MS4A6A: variants seen among roughly 807,000 people sequenced by gnomAD.
The protein encoded by MS4A6A is membrane-spanning 4-domains subfamily A member 6A.
MS4A6A carries 19 observed loss-of-function variants against 20.6 expected under a neutral mutation model. That is an observed-to-expected ratio of 0.92 (90% CI 0.64 to 1.36). The LOEUF is 1.36. MS4A6A is among the 40% of genes most tolerant of loss of function. MS4A6A has a pLI of 0.00. For synonymous variants in MS4A6A, 108 were observed against 105.0 expected (o/e 1.03, Z -0.17); for missense variants, 272 against 261.1 (o/e 1.04, Z -0.29).
chr11:60,179,053 T>C (rs1185733650), intron 3 of MS4A6A, among the ~76,000 whole-genome samples: 1 of 151,862 alleles, frequency 6.6e-6, no homozygotes, highest in Non-Finnish European at 1.5e-5. Context: ...ACCAATGAAA[T>C]CCAAATCCAA....
intron 5 of MS4A6A, among the ~76,000 whole-genome samples, chr11:60,174,057 C>T (rs549394353): frequency 4.6e-5 from 7 of 152,198 alleles, no homozygotes; most frequent in Non-Finnish European, 7.3e-5. Flanking sequence ...TTTATCACTA[C>T]CAAATTTCTC....
At chr11:60,183,272 C>G, upstream of MS4A6A, 1 of 1,181,318 alleles carries the variant, frequency 8.5e-7, no homozygotes, top group Admixed American at 2.2e-5. Context: ...ATTGCCACTT[C>G]GAGACATACA....
chr11:60,180,658 T>G (rs1857086820), intron 2 of MS4A6A: 1 of 169,416 alleles, frequency 5.9e-6, no homozygotes, highest in Non-Finnish European at 1.3e-5. Flanking sequence ...CCCTCCACCC[T>G]CTGAAAGGCC....
At position 60,172,547 on chromosome 11, in the gene MS4A6A, T is replaced by G; in HGVS notation, c.*454A>C. On this transcript the variant is annotated 3_prime_UTR_variant, in exon 6 of 6. Transcript: ENST00000528851. ...ATAGCTTTAAAAAGGCAAACGAATT[T>G]TAAGATCACCAGGGGCAAATGCAGA... is the stretch of plus-strand genomic sequence containing the variant. 8.8e-7 allele frequency: 1 copy of G among 1,131,560 alleles called. No individual in the cohort carries two copies. Among genetic ancestry groups the G allele is most frequent in the Non-Finnish European group, 1.1e-6 (1 of 921,178 alleles). 70.1% of individuals were successfully genotyped at this position (1,131,560 alleles called of 1,614,324 possible).
At chr11:60,175,326 CA>C (rs760575194) in intron 5 of MS4A6A, 75 bp downstream of exon 5, 14 of 1,265,642 alleles carry the variant, frequency 1.1e-5, no homozygotes, top group Non-Finnish European at 1.5e-5. Context: ...GAGAGATTTT[CA>C]AAAGAAGGAA....
intron 3 of MS4A6A, 105 bp from the exon 4 acceptor site, chr11:60,178,421 A>C (rs1175537111): frequency 3.4e-6 from 3 of 878,378 alleles, no homozygotes; most frequent in African/African-American, 3.4e-5. Flanking sequence ...ATCCCTGAGA[A>C]ACCAGTGATC....
In MS4A6A at chr11:60,173,043, G is replaced by C. The variant is rs1396524651; in HGVS notation, c.636C>G (p.Tyr212Ter). The C allele has an allele frequency of 1.2e-6, 2 of 1,614,046 alleles. No individual in the cohort carries two copies. The highest frequency in any genetic ancestry group is 2.7e-5 in the African/African-American group (2 of 74,936). Residue 212 changes from tyrosine to a stop codon, truncating the protein, a stop_gained, in exon 6 of 6, where the codon TAC (tyrosine) becomes TAG (stop). Transcript: ENST00000528851. LOFTEE classifies it high-confidence loss of function. ...LTAVLRWKQA[Y>*]SDFPGVSVLA... The stretch of plus-strand genomic sequence containing the variant: ...GCACACTCACCCCAGGGAAGTCAGA[G>C]TAAGCCTGTTTCCACCGCAGCACAG...
At chr11:60,175,283 GC>G in intron 5 of MS4A6A, 118 bp downstream of exon 5, 1 of 748,514 alleles carries the variant, frequency 1.3e-6, no homozygotes, top group Non-Finnish European at 2.1e-6. Context: ...CATAAACCTG[GC>G]TTTCCCCCAG....
At chr11:60,183,242 T>C (rs2083834554), upstream of MS4A6A, 1 of 1,466,102 alleles carries the variant, frequency 6.8e-7, no homozygotes, top group East Asian at 2.5e-5. Flanking sequence ...AGTTCAGGAG[T>C]CATGGAGCCT....
At chr11:60,175,644 T>C (rs750495297) in intron 4 of MS4A6A, 33 bp from the exon 5 acceptor site, 1 of 1,596,932 alleles carries the variant, frequency 6.3e-7, no homozygotes, top group Non-Finnish European at 8.6e-7. Context: ...GGATCATTGC[T>C]AATGACTCAT....
chr11:60,174,512 G>C (rs140653296), intron 5 of MS4A6A, among the ~76,000 whole-genome samples: 1 of 151,964 alleles, frequency 6.6e-6, no homozygotes. Flanking sequence ...TTTTAGTAGA[G>C]ATGGGGTTTC....
downstream of MS4A6A, chr11:60,172,405 T>C: frequency 7.2e-7 from 1 of 1,397,532 alleles, no homozygotes; most frequent in African/African-American, 1.4e-5. Context: ...TTGCAATTTA[T>C]CACCCTAGTA....
In MS4A6A at chr11:60,173,127, T is replaced by A; in HGVS notation, c.552A>T (p.Gly184=). The A allele has an allele frequency of 6.2e-7, 1 of 1,612,800 alleles. No individual in the cohort carries two copies. Among genetic ancestry groups the A allele is most frequent in the Non-Finnish European group, 8.5e-7 (1 of 1,179,042 alleles). The change falls in exon 6 of 6, where the codon GGA becomes GGT. Residue 184 remains glycine, a splice_region_variant and synonymous_variant. Transcript: ENST00000528851. ...TGCAAATCAGCATCAGAGAGAGAGT[T>A]CCCTGAAAGTCAAGAAATAAAAGAT... ...DCYTAKASLA[G]TLSLMLICTL... is the part of the protein sequence containing the mutation.
Position 60,176,302 on chromosome 11 carries a change from G to A in MS4A6A, c.340-691C>T, listed in dbSNP as rs186882449. Reference sequence around the variant, plus strand: ...GATGGTGTAATGTGTGGGAGGCAGCGGGAAGTACAAGAAAAAGGTCTGAAC... The same window carrying A: ...GATGGTGTAATGTGTGGGAGGCAGCAGGAAGTACAAGAAAAAGGTCTGAAC... On this transcript the variant is annotated intron_variant, in intron 4 of 5. Coordinates refer to ENST00000528851, the MANE Select transcript of MS4A6A (RefSeq NM_022349.4). Among the ~76,000 whole-genome samples, 229 of 152,218 alleles carry A rather than the reference G, an allele frequency of 1.5e-3. 5 individuals are homozygous for A. The highest frequency in any genetic ancestry group is 0.013 in the Admixed American group (200 of 15,288).
At chr11:60,181,846 G>T in intron 1 of MS4A6A, 105 bp from the exon 2 acceptor site, 1 of 1,099,052 alleles carries the variant, frequency 9.1e-7, no homozygotes, top group Non-Finnish European at 1.3e-6. Flanking sequence ...GGCTTGGCCT[G>T]TCCATTAGAG....
chr11:60,184,473 TCTTCAGGAG>T (rs1395229072), upstream of MS4A6A: 2 of 152,198 alleles, frequency 1.3e-5, no homozygotes, highest in Non-Finnish European at 2.9e-5. Context: ...CTCTTTGGTC[TCTTCAGGAG>T]CAATCACACC....
In MS4A6A at chr11:60,172,513, A is replaced by G. The variant is rs1856629366; in HGVS notation, c.*488T>C. The stretch of plus-strand genomic sequence containing the variant: ...CCATAGGGGTTTGATTCAACAATAC[A>G]TTTTTAATATAGCTTTAAAAAGGCA... On this transcript the variant is annotated 3_prime_UTR_variant, in exon 6 of 6. Coordinates refer to ENST00000528851, the MANE Select transcript of MS4A6A (RefSeq NM_022349.4). 8.5e-7 allele frequency: 1 copy of G among 1,183,044 alleles called. No homozygotes were observed. The highest frequency in any genetic ancestry group is 3.0e-5 in the South Asian group (1 of 33,406). 73.3% of individuals were successfully genotyped at this position (1,183,044 alleles called of 1,614,324 possible).
At position 60,183,072 on chromosome 11, in the gene MS4A6A, C is replaced by T. The variant is rs1402051134; in HGVS notation, c.-109G>A. 6.7e-7 allele frequency: 1 copy of T among 1,502,182 alleles called. No homozygotes were observed. The highest frequency in any genetic ancestry group is 8.8e-7 in the Non-Finnish European group (1 of 1,133,190). 93.1% of individuals were successfully genotyped at this position (1,502,182 alleles called of 1,614,324 possible). ...ATCAACGGTTTCTACTTACCTTCAT[C>T]TTCTGAAAGTCATCAGCCCTTCCTT... On this transcript the variant is annotated 5_prime_UTR_variant, in exon 1 of 6. Coordinates refer to ENST00000528851, the MANE Select transcript of MS4A6A (RefSeq NM_022349.4).
At chr11:60,183,139 T>C (rs558416882), upstream of MS4A6A, 10 of 1,535,792 alleles carry the variant, frequency 6.5e-6, no homozygotes, top group African/African-American at 6.8e-5. Flanking sequence ...TACTCACAGA[T>C]TGTAGATTTG....
Sources: allele counts gnomAD v4.1 joint callset (sites outside exome capture counted in the v4.1 genomes callset), GRCh38; gene constraint gnomAD v4.1.1; transcripts MANE v1.5; gene names NCBI Gene and HGNC (gene_info 2026-07-23, HGNC 2026-07-21).